Variants in SPTSSA observed in about 807,000 individuals in gnomAD.
The protein encoded by SPTSSA is small subunit of serine palmitoyltransferase A.
In SPTSSA, 8 loss-of-function variants were observed where a neutral mutation model predicts 9.1. The observed-to-expected ratio is 0.88, with a 90% CI of 0.51 to 1.58. The LOEUF (loss-of-function observed/expected upper bound fraction) is 1.58. Ranked by LOEUF, SPTSSA falls within the 40% of genes most tolerant of loss-of-function variation. SPTSSA has a pLI of 0.00. For missense variants in SPTSSA, 100 were observed against 93.8 expected, an observed-to-expected ratio of 1.07 and a Z score of -0.27; for synonymous variants, 42 against 37.7, an observed-to-expected ratio of 1.11 and a Z score of -0.41.
chr14:34,459,444 G>C (rs1317239991), intron 1 of SPTSSA, among the ~76,000 whole-genome samples: 5 of 141,800 alleles, frequency 3.5e-5, no homozygotes, highest in Non-Finnish European at 7.6e-5. Flanking sequence ...CGGCAACAGA[G>C]CGAGACACCG....
At chr14:34,436,983 A>AT (rs1030560730) in intron 1 of SPTSSA, among the ~76,000 whole-genome samples, 1 of 152,158 alleles carries the variant, frequency 6.6e-6, no homozygotes, top group African/African-American at 2.4e-5. Flanking sequence ...TGCTGCTTCT[A>AT]TATCATTGGC....
chr14:34,445,384 C>T (rs1883403810), intron 1 of SPTSSA, among the ~76,000 whole-genome samples: 2 of 152,014 alleles, frequency 1.3e-5, no homozygotes, highest in South Asian at 2.1e-4. Context: ...ACCTGTAATC[C>T]CAGCTACTCA....
At chr14:34,455,495 TGGAA>T (rs1883603244) in intron 1 of SPTSSA, among the ~76,000 whole-genome samples, 1 of 151,874 alleles carries the variant, frequency 6.6e-6, no homozygotes, top group Non-Finnish European at 1.5e-5. Context: ...GAGGCAGGGG[TGGAA>T]GGAAGACTGT....
intron 1 of SPTSSA, among the ~76,000 whole-genome samples, chr14:34,452,787 T>C (rs1406366231): frequency 6.6e-6 from 1 of 152,218 alleles, no homozygotes; most frequent in Non-Finnish European, 1.5e-5. Context: ...TTATAATCTG[T>C]TCTGCTACAG....
chr14:34,454,191 A>G (rs987783697), intron 1 of SPTSSA, among the ~76,000 whole-genome samples: 5 of 142,728 alleles, frequency 3.5e-5, no homozygotes, highest in Non-Finnish European at 5.9e-5. Context: ...TTTTAGGGGG[A>G]AAAAAAAATC....
At chr14:34,445,609 G>T (rs894931120) in intron 1 of SPTSSA, among the ~76,000 whole-genome samples, 3 of 152,182 alleles carry the variant, frequency 2.0e-5, no homozygotes, top group Admixed American at 1.3e-4. Flanking sequence ...TTTCAAAATT[G>T]TCTTTCCTAA....
intron 1 of SPTSSA, among the ~76,000 whole-genome samples, chr14:34,455,659 C>T (rs892565720): frequency 5.3e-5 from 8 of 151,402 alleles, no homozygotes; most frequent in Admixed American, 4.6e-4. Context: ...AGGCCAGGCG[C>T]GGTGGCTCAC....
intron 1 of SPTSSA, among the ~76,000 whole-genome samples, chr14:34,441,016 A>G (rs1432044891): frequency 6.6e-6 from 1 of 152,252 alleles, no homozygotes; most frequent in African/African-American, 2.4e-5. Flanking sequence ...ATAACTTATC[A>G]AAACTTGAAC....
chr14:34,458,904 CT>C (rs759940424), intron 1 of SPTSSA, among the ~76,000 whole-genome samples: 179 of 124,038 alleles, frequency 1.4e-3, no homozygotes, highest in Middle Eastern at 4.9e-3. Context: ...GAAATTACAA[CT>C]TTTTTTTTTT....
intron 1 of SPTSSA, among the ~76,000 whole-genome samples, chr14:34,442,218 G>A (rs563184561): frequency 6.4e-4 from 97 of 152,096 alleles, no homozygotes; most frequent in African/African-American, 2.2e-3. Context: ...TATCTTTTCC[G>A]CACACGGTCC....
At chr14:34,458,193 T>C (rs1878529210) in intron 1 of SPTSSA, among the ~76,000 whole-genome samples, 1 of 145,794 alleles carries the variant, frequency 6.9e-6, no homozygotes, top group Non-Finnish European at 1.5e-5. Context: ...AAAATACTTA[T>C]ATTCAATTGA....
rs541228376 is a variant in SPTSSA at position 34,439,397 on chromosome 14, G to C, written c.113-4093C>G. Among the ~76,000 whole-genome samples the C allele has an allele frequency of 1.7e-4, 26 of 152,152 alleles. No homozygotes were observed. In the East Asian group the frequency reaches 4.8e-3, roughly 28 times the overall value. On this transcript the variant is annotated intron_variant, in intron 1 of 1. Transcript: ENST00000298130. Reference sequence around the variant, plus strand: ...TCATGCCTGTAATTCCAGCACTTTGGGAGGCCGAGGTGGGAGGATTACTTG... The same window carrying C: ...TCATGCCTGTAATTCCAGCACTTTGCGAGGCCGAGGTGGGAGGATTACTTG...
At chr14:34,437,425 C>T (rs1883257353) in intron 1 of SPTSSA, among the ~76,000 whole-genome samples, 1 of 152,166 alleles carries the variant, frequency 6.6e-6, no homozygotes, top group African/African-American at 2.4e-5. Flanking sequence ...CACTCTCCTC[C>T]TAGTATAGCA....
rs375135525 is a variant in SPTSSA, at chr14:34,436,502, T to TCTCAA, written c.113-1203_113-1199dup. 4.1e-3 allele frequency among the ~76,000 whole-genome samples: 618 copies of TCTCAA among 152,328 alleles called. 2 individuals are homozygous for TCTCAA. Among genetic ancestry groups the TCTCAA allele is most frequent in the African/African-American group, 0.013 (556 of 41,582 alleles). Reference sequence around the variant, plus strand: ...TCCTCTTTCACTTGCCTTTCCCCTTTCTCAACTCTACATACCTTTCAGCTA... The same window carrying TCTCAA: ...TCCTCTTTCACTTGCCTTTCCCCTTTCTCAACTCAACTCTACATACCTTTCAGCTA... On this transcript the variant is annotated intron_variant, in intron 1 of 1. Transcript: ENST00000298130.
chr14:34,453,884 T>A (rs935020430), intron 1 of SPTSSA, among the ~76,000 whole-genome samples: 83 of 147,738 alleles, frequency 5.6e-4, no homozygotes, highest in African/African-American at 1.8e-3. Context: ...TTTGTTCTTT[T>A]AAAAAAAAAA....
At chr14:34,448,184 A>C (rs1249281571) in intron 1 of SPTSSA, among the ~76,000 whole-genome samples, 3 of 151,512 alleles carry the variant, frequency 2.0e-5, no homozygotes, top group Non-Finnish European at 4.4e-5. Context: ...TGAACTCGGG[A>C]GGTGGAGGTT....
chr14:34,461,812 A>G (rs1410464557), intron 1 of SPTSSA, among the ~76,000 whole-genome samples: 19 of 152,142 alleles, frequency 1.2e-4, no homozygotes, highest in Non-Finnish European at 2.8e-4. Flanking sequence ...AGGGTTACAC[A>G]TCACCTTCGG....
rs555523184 is a variant in SPTSSA at position 34,455,337 on chromosome 14, A to G, written c.112+6759T>C. Among the ~76,000 whole-genome samples the G allele has an allele frequency of 3.9e-5, 6 of 152,224 alleles. No individual in the cohort carries two copies. The South Asian group carries it at 1.2e-3, about 32-fold the overall frequency. On this transcript the variant is annotated intron_variant, in intron 1 of 1. Coordinates refer to ENST00000298130, the MANE Select transcript of SPTSSA (RefSeq NM_138288.4). ...AGAAGGCAAAGGTTGCAAGGAGCCA[A>G]GTTCGCACCACTGCACTCTAGCCTG...
chr14:34,457,648 T>C (rs1416897373), intron 1 of SPTSSA, among the ~76,000 whole-genome samples: 2 of 152,132 alleles, frequency 1.3e-5, no homozygotes, highest in Non-Finnish European at 2.9e-5. Flanking sequence ...CAAAAGCCAA[T>C]GTATCACTTC....
Sources: allele counts gnomAD v4.1 joint callset (sites outside exome capture counted in the v4.1 genomes callset), GRCh38; gene constraint gnomAD v4.1.1; transcripts MANE v1.5; gene names NCBI Gene and HGNC (gene_info 2026-07-23, HGNC 2026-07-21).